The following LDLRAP1 variants were observed in gnomAD, a reference collection of about 807,000 sequenced individuals.
LDLRAP1 encodes low density lipoprotein receptor adapter protein 1.
LDLRAP1 carries 30 observed loss-of-function variants against 37.8 expected under a neutral mutation model. The observed-to-expected ratio is 0.79, with a 90% confidence interval of 0.59 to 1.08. The LOEUF is 1.08. Among genes scored for constraint, LDLRAP1 ranks in the 50% least tolerant of loss-of-function variants. The pLI is 0.00. For missense variants in LDLRAP1, 375 were observed against 401.6 expected (o/e 0.93, Z 0.57); for synonymous variants, 156 against 169.8 (o/e 0.92, Z 0.63).
chr1:25,578,653 G>A, the LDLRAP1 span, among the ~76,000 whole-genome samples: 11 of 152,138 alleles, frequency 7.2e-5, no homozygotes, highest in African/African-American at 2.4e-4. Context: ...TAGCTGGGAC[G>A]ACAGGCACAC....
chr1:25,566,805 A>G, intron 8 of LDLRAP1, 43 bp from the exon 9 acceptor site: 1 of 1,588,838 alleles, frequency 6.3e-7, no homozygotes, highest in African/African-American at 1.3e-5. Context: ...GGGGCGCGCC[A>G]GCCCTCACCC....
chr1:25,545,051 G>A (rs573560003), intron 1 of LDLRAP1, among the ~76,000 whole-genome samples: 289 of 152,364 alleles, frequency 1.9e-3, no homozygotes, highest in Non-Finnish European at 3.6e-3. Context: ...GCTGGTGGGG[G>A]GTGGGGTCAG....
At chr1:25,552,689 A>C (rs1215842933) in intron 1 of LDLRAP1, among the ~76,000 whole-genome samples, 2 of 152,124 alleles carry the variant, frequency 1.3e-5, no homozygotes, top group Non-Finnish European at 2.9e-5. Context: ...CCTCCTTCCG[A>C]GGAGCCGGGG....
chr1:25,579,660 AC>A, the LDLRAP1 span, among the ~76,000 whole-genome samples: 1 of 152,180 alleles, frequency 6.6e-6, no homozygotes, highest in Non-Finnish European at 1.5e-5. Flanking sequence ...AGAAGCAGCT[AC>A]CCCATCTCTG....
Position 25,554,773 on chromosome 1 carries a change from TG to T in LDLRAP1, c.232-83del. 1 of 1,072,860 alleles carries T rather than the reference TG, an allele frequency of 9.3e-7. No homozygotes were observed. The highest frequency in any genetic ancestry group is 1.4e-6 in the Non-Finnish European group (1 of 710,254). 66.5% of individuals were successfully genotyped at this position (1,072,860 alleles called of 1,614,324 possible). On this transcript the variant is annotated intron_variant, in intron 2 of 8. Coordinates refer to ENST00000374338, the MANE Select transcript of LDLRAP1 (RefSeq NM_015627.3). The surrounding 1 kb of genome is among the most constrained non-coding windows in gnomAD (Gnocchi z 5.4). ...CCTGAGCTGAGATGGGCCCCGTGCC[TG>T]GGGCTTAGGAACAGTGAAGTGTAAG...
intron 1 of LDLRAP1, among the ~76,000 whole-genome samples, chr1:25,552,443 G>A (rs1012470769): frequency 2.0e-5 from 3 of 152,190 alleles, no homozygotes; most frequent in African/African-American, 4.8e-5. Context: ...GCTACCTCTC[G>A]TGGCCCCTGG....
the LDLRAP1 span, among the ~76,000 whole-genome samples, chr1:25,586,338 C>T: frequency 6.6e-6 from 1 of 152,096 alleles, no homozygotes; most frequent in Non-Finnish European, 1.5e-5. This position sits in a 1 kb window ranked among gnomAD's most constrained non-coding sequence, Gnocchi z 4.3. Flanking sequence ...CCTCCCTGTC[C>T]CTGCACTCAT....
At chr1:25,553,117 C>T (rs1304865735) in intron 1 of LDLRAP1, among the ~76,000 whole-genome samples, 2 of 148,606 alleles carry the variant, frequency 1.3e-5, no homozygotes, top group Non-Finnish European at 3.0e-5. Flanking sequence ...TTGGTCTCTA[C>T]GGATGCGCAC....
intron 5 of LDLRAP1, 127 bp downstream of exon 5, chr1:25,562,843 TCACCGCTCAGAGTCTCGGTTTTCC>T (rs1220529368): frequency 4.6e-6 from 4 of 873,654 alleles, no homozygotes; most frequent in Non-Finnish European, 5.6e-6. Context: ...GCAGGTCCCT[TCACCGCTCAGAGTCTCGGTTTTCC>T]CATCTGAAAA....
intron 4 of LDLRAP1, 68 bp downstream of exon 4, chr1:25,557,335 C>A: frequency 7.9e-7 from 1 of 1,272,534 alleles, no homozygotes; most frequent in Non-Finnish European, 1.1e-6. Flanking sequence ...GGGTGGGGGG[C>A]TGTCTGGTGT....
At chr1:25,589,132 C>T in the LDLRAP1 span, among the ~76,000 whole-genome samples, 5 of 152,078 alleles carry the variant, frequency 3.3e-5, no homozygotes, top group East Asian at 7.7e-4. Flanking sequence ...GACAAAACCC[C>T]GTCTCTACTA....
chr1:25,564,752 G>A lies in LDLRAP1; in HGVS notation c.748-421G>A, dbSNP rs889004895. The A allele has an allele frequency of 5.4e-5, 10 of 186,484 alleles. 1 individual carries two copies. Among genetic ancestry groups the A allele is most frequent in the Middle Eastern group, 5.1e-3 (2 of 392 alleles). The allele number at this position is 186,484 out of a possible 1,614,324, so 11.6% of individuals were successfully genotyped here. On this transcript the variant is annotated intron_variant, in intron 7 of 8. Coordinates refer to ENST00000374338, the MANE Select transcript of LDLRAP1 (RefSeq NM_015627.3). ...TGGAATTTTGGCTTGGCTTTTGGAA[G>A]TAAATGAAGGCAAGAAAACTCCCTT... is the stretch of plus-strand genomic sequence containing the variant.
At chr1:25,573,007 G>T (rs909807117), downstream of LDLRAP1, among the ~76,000 whole-genome samples, 1 of 151,370 alleles carries the variant, frequency 6.6e-6, no homozygotes, top group South Asian at 2.1e-4. Flanking sequence ...ATTTTTAGCC[G>T]CAGAAACAAC....
chr1:25,587,972 T>C, the LDLRAP1 span, among the ~76,000 whole-genome samples: 1 of 148,280 alleles, frequency 6.7e-6, no homozygotes, highest in African/African-American at 2.6e-5. Context: ...TGTTAATCTG[T>C]AACCCTACCC....
the LDLRAP1 span, chr1:25,581,498 G>C: frequency 6.6e-6 from 1 of 152,192 alleles, no homozygotes; most frequent in African/African-American, 2.4e-5. Context: ...TGACACATCG[G>C]GAGCTCCTGT....
At chr1:25,566,782 C>T (rs776483108) in intron 8 of LDLRAP1, 66 bp from the exon 9 acceptor site, 22 of 1,560,982 alleles carry the variant, frequency 1.4e-5, no homozygotes, top group South Asian at 4.7e-5. Flanking sequence ...GGTGCCCCCT[C>T]GCGTCTGACC....
Position 25,555,290 on chromosome 1 carries a change from GA to G in LDLRAP1, c.344+319del, listed in dbSNP as rs2044173266. ...CCAGCATGCCGCTGAGTCGGGCTTG[GA>G]GCAGAGAACTGCAGAGTCACTGCCT... On this transcript the variant is annotated intron_variant, in intron 3 of 8. Coordinates refer to ENST00000374338, the MANE Select transcript of LDLRAP1 (RefSeq NM_015627.3). The surrounding 1 kb of genome is among the most constrained non-coding windows in gnomAD (Gnocchi z 4.7). Among the ~76,000 whole-genome samples the G allele has an allele frequency of 6.6e-6, 1 of 152,216 alleles. No homozygotes were observed. Among genetic ancestry groups the G allele is most frequent in the South Asian group, 2.1e-4 (1 of 4,836 alleles).
At chr1:25,571,066 C>T (rs2044598382), downstream of LDLRAP1, among the ~76,000 whole-genome samples, 1 of 152,204 alleles carries the variant, frequency 6.6e-6, no homozygotes, top group Non-Finnish European at 1.5e-5. Context: ...ACCCTGCTCT[C>T]TGACCCCAGC....
At chr1:25,587,745 G>A in the LDLRAP1 span, among the ~76,000 whole-genome samples, 8 of 152,170 alleles carry the variant, frequency 5.3e-5, no homozygotes, top group East Asian at 7.7e-4. Flanking sequence ...TGCTATCCAC[G>A]GTGGGAGTGG....
Sources: allele counts gnomAD v4.1 joint callset (sites outside exome capture counted in the v4.1 genomes callset), GRCh38; gene constraint gnomAD v4.1.1; non-coding constraint Gnocchi (gnomAD v3.1); transcripts MANE v1.5; gene names NCBI Gene and HGNC (gene_info 2026-07-23, HGNC 2026-07-21).